DNAH3: variants seen among roughly 807,000 people sequenced by gnomAD.
DNAH3 encodes the protein dynein axonemal heavy chain 3.
Under a neutral mutation model 432.5 loss-of-function variants are expected in DNAH3, and 332 were observed. The ratio of observed to expected loss-of-function variants is 0.77; its 90% CI spans 0.70 to 0.84. The LOEUF (loss-of-function observed/expected upper bound fraction) is 0.84, where lower values mean the gene tolerates loss of function less well. DNAH3 is among the 40% of genes least tolerant of loss of function. The probability of loss-of-function intolerance (pLI) is 0.00; values close to 1 mark genes in which losing one functional copy is unlikely to be tolerated. For missense variants in DNAH3, 4,861 were observed against 5,114.0 expected (o/e 0.95, Z 1.51); for synonymous variants, 1,956 against 1,900.2 (o/e 1.03, Z -0.76).
Position 21,131,504 on chromosome 16 carries a change from A to AGAAGGAAG in DNAH3, c.1082+2747_1082+2754dup, listed in dbSNP as rs1243332610. ...GAAAGAAAAGAAAGAGAGATGAGAG[A>AGAAGGAAG]GAAGGAAGGAAGGAAGGAAGGAAGG... On this transcript the variant is annotated intron_variant, in intron 7 of 61. Coordinates refer to ENST00000261383, the Ensembl canonical transcript of DNAH3. Among the ~76,000 whole-genome samples the AGAAGGAAG allele has an allele frequency of 2.3e-3, 318 of 139,278 alleles. 1 individual carries two copies. The highest frequency in any genetic ancestry group is 8.3e-3 in the East Asian group (39 of 4,700). The allele number at this position is 139,278 out of a possible 152,430, so 91.4% of individuals were successfully genotyped here.
chr16:21,051,738 C>T (rs576442295), exon 29 of DNAH3: 50 of 1,613,964 alleles, frequency 3.1e-5, no homozygotes, highest in Non-Finnish European at 3.6e-5. Flanking sequence ...CATAGCCATA[C>T]AAGGCTTCTG....
intron 1 of DNAH3, among the ~76,000 whole-genome samples, chr16:21,151,774 C>T (rs991684928): frequency 4.6e-5 from 7 of 152,110 alleles, no homozygotes; most frequent in Non-Finnish European, 8.8e-5. Flanking sequence ...ATATTAGCTG[C>T]CGCCCGAATA....
intron 5 of DNAH3, among the ~76,000 whole-genome samples, chr16:21,138,084 C>T (rs2092668064): frequency 6.6e-6 from 1 of 151,818 alleles, no homozygotes; most frequent in African/African-American, 2.4e-5. Context: ...CCTATCTCTA[C>T]TAAAAATACA....
At chr16:21,120,805 C>T (rs371059503) in exon 11 of DNAH3, 19 of 1,613,980 alleles carry the variant, frequency 1.2e-5, no homozygotes, top group East Asian at 2.2e-5. Context: ...CACACATTGC[C>T]GATCAGCAGC....
intron 36 of DNAH3, 63 bp from the exon 37 acceptor site, chr16:21,031,349 G>T: frequency 6.3e-7 from 1 of 1,585,698 alleles, no homozygotes; most frequent in Non-Finnish European, 8.6e-7. Flanking sequence ...TTAAACAAGA[G>T]ATGATGTCAT....
exon 4 of DNAH3, chr16:21,141,341 T>G: frequency 6.3e-7 from 1 of 1,592,388 alleles, no homozygotes; most frequent in Non-Finnish European, 8.6e-7. Context: ...ACTTCGTTTT[T>G]TTCCTCATGG....
chr16:21,036,009 A>C (rs2089148209), intron 35 of DNAH3, among the ~76,000 whole-genome samples: 1 of 152,162 alleles, frequency 6.6e-6, no homozygotes, highest in African/African-American at 2.4e-5. Context: ...AAATGACTCC[A>C]TTTTACAGAG....
intron 44 of DNAH3, among the ~76,000 whole-genome samples, chr16:20,989,571 C>G (rs569455399): frequency 6.6e-6 from 1 of 152,262 alleles, no homozygotes; most frequent in Admixed American, 6.5e-5. Context: ...AGGAGCCCAG[C>G]TGGCTTCACC....
chr16:21,114,745 G>A (rs1354904225), intron 12 of DNAH3, among the ~76,000 whole-genome samples: 5 of 152,130 alleles, frequency 3.3e-5, no homozygotes, highest in African/African-American at 7.2e-5. Context: ...GAAACAACAG[G>A]TGCTGGAGAG....
chr16:20,964,181 G>C, exon 53 of DNAH3: 1 of 1,614,124 alleles, frequency 6.2e-7, no homozygotes, highest in South Asian at 1.1e-5. Context: ...ATTTCCTTGA[G>C]ATGCTTCTTG....
intron 18 of DNAH3, among the ~76,000 whole-genome samples, chr16:21,095,357 C>T (rs941679729): frequency 2.0e-5 from 3 of 152,092 alleles, no homozygotes; most frequent in African/African-American, 7.2e-5. Flanking sequence ...GGATACTACT[C>T]GCAATAAAAG....
chr16:21,141,658 G>A (rs893055015), intron 3 of DNAH3, among the ~76,000 whole-genome samples: 1 of 152,220 alleles, frequency 6.6e-6, no homozygotes, highest in Non-Finnish European at 1.5e-5. Context: ...ATTAATAACT[G>A]CTTGTTTCAT....
At chr16:21,074,612 G>C (rs2073027410) in intron 21 of DNAH3, among the ~76,000 whole-genome samples, 1 of 152,112 alleles carries the variant, frequency 6.6e-6, no homozygotes, top group African/African-American at 2.4e-5. Flanking sequence ...TACTCGGGAG[G>C]CTGAGGTATG....
intron 46 of DNAH3, 24 bp from the exon 47 acceptor site, chr16:20,987,472 C>G (rs776407239): frequency 1.2e-6 from 2 of 1,613,216 alleles, no homozygotes; most frequent in Non-Finnish European, 1.7e-6. Flanking sequence ...GTTAATTATT[C>G]AAACGAGTGG....
intron 38 of DNAH3, among the ~76,000 whole-genome samples, 182 bp downstream of exon 38, chr16:21,026,845 T>C (rs532989898): frequency 6.6e-6 from 1 of 151,896 alleles, no homozygotes; most frequent in South Asian, 2.1e-4. Context: ...TGCAATTTAC[T>C]CATGTAACAA....
chr16:20,988,597 G>C (rs904973015), intron 44 of DNAH3, among the ~76,000 whole-genome samples: 1 of 152,042 alleles, frequency 6.6e-6, no homozygotes, highest in African/African-American at 2.4e-5. Context: ...GAGACACCGC[G>C]CCCAGCCTCA....
exon 62 of DNAH3, chr16:20,933,225 G>A: frequency 1.2e-6 from 2 of 1,614,264 alleles, no homozygotes; most frequent in Non-Finnish European, 1.7e-6. Context: ...TCTGTTGGAA[G>A]CTCAATGGAG....
intron 52 of DNAH3, among the ~76,000 whole-genome samples, chr16:20,969,060 T>C (rs959619713): frequency 1.3e-5 from 2 of 151,290 alleles, no homozygotes; most frequent in Non-Finnish European, 2.9e-5. Context: ...TGCATGCAAG[T>C]CTCTCCCCAT....
In DNAH3 at chr16:20,941,432, C is replaced by T. The variant is rs752548589; in HGVS notation, c.11623G>A (p.Val3875Ile). Residue 3875 changes from valine (V) to isoleucine (I), a missense_variant, in exon 59 of 62, where the codon GTC becomes ATC. By Grantham distance (29) the Val-to-Ile change is conservative (BLOSUM62 3). Transcript: ENST00000261383. ...AATCTGATGAGCTCCTGCCTTAGGA[C>T]GGTATTCATGGATTCTTCATAGACC... 1.4e-5 allele frequency: 22 copies of T among 1,614,036 alleles called. No individual in the cohort carries two copies. Among genetic ancestry groups the T allele is most frequent in the Middle Eastern group, 1.7e-4 (1 of 6,058 alleles).
Sources: gnomAD v4.1 joint callset for allele counts (sites outside exome capture counted in the v4.1 genomes callset) on GRCh38, gnomAD v4.1.1 for gene constraint, MANE v1.5 for transcripts, NCBI Gene and HGNC (gene_info 2026-07-23, HGNC 2026-07-21) for gene names.